The following CACNA2D3 variants were observed in gnomAD, a reference collection of about 807,000 sequenced individuals.
CACNA2D3 encodes calcium voltage-gated channel auxiliary subunit alpha2delta 3, also known as voltage-dependent calcium channel subunit alpha-2/delta-3.
Under a neutral mutation model 160.6 loss-of-function variants are expected in CACNA2D3, and 60 were observed. That is an observed-to-expected ratio of 0.37 (90% confidence interval 0.30 to 0.46). The LOEUF (loss-of-function observed/expected upper bound fraction) is 0.46, where lower values mean the gene tolerates loss of function less well. CACNA2D3 is among the 20% of genes least tolerant of loss of function. The pLI is 1.00. For synonymous variants in CACNA2D3, 558 were observed against 492.9 expected (o/e 1.13, Z -1.75); for missense variants, 1,205 against 1,365.0 (o/e 0.88, Z 1.85).
intron 11 of CACNA2D3, among the ~76,000 whole-genome samples, chr3:54,642,642 C>A (rs1559536686): frequency 6.6e-6 from 1 of 152,062 alleles, no homozygotes; most frequent in Admixed American, 6.5e-5. Context: ...TTGTATAGTT[C>A]CTCCCACGGC....
At chr3:54,279,687 G>A (rs946817342) in intron 2 of CACNA2D3, among the ~76,000 whole-genome samples, 1 of 152,174 alleles carries the variant, frequency 6.6e-6, no homozygotes, top group Non-Finnish European at 1.5e-5. Flanking sequence ...TGTCTGAGTA[G>A]AGCTCTGGCT....
chr3:54,206,322 C>A (rs75260377), intron 2 of CACNA2D3, among the ~76,000 whole-genome samples: 5,174 of 152,086 alleles, frequency 0.034, 266 homozygotes, highest in East Asian at 0.21. Flanking sequence ...TCTGTATGCT[C>A]GGGGATGAGG....
At chr3:54,136,569 C>T (rs1426248502) in intron 2 of CACNA2D3, among the ~76,000 whole-genome samples, 1 of 152,276 alleles carries the variant, frequency 6.6e-6, no homozygotes, top group African/African-American at 2.4e-5. Context: ...GCTGCTGCAT[C>T]CACCTTTCCC....
chr3:54,838,478 C>T, intron 15 of CACNA2D3, 90 bp from the exon 16 acceptor site: 1 of 1,017,068 alleles, frequency 9.8e-7, no homozygotes, highest in East Asian at 2.4e-5. Flanking sequence ...GGGAAGGCAC[C>T]AGGCAGACGG....
At chr3:54,223,581 G>A (rs1701613023) in intron 2 of CACNA2D3, among the ~76,000 whole-genome samples, 1 of 152,108 alleles carries the variant, frequency 6.6e-6, no homozygotes. Context: ...TTGGCCGGGT[G>A]CGGTAATCCT....
At chr3:54,547,731 C>A (rs1409846648) in intron 5 of CACNA2D3, among the ~76,000 whole-genome samples, 3 of 126,722 alleles carry the variant, frequency 2.4e-5, no homozygotes, top group Non-Finnish European at 4.7e-5. Flanking sequence ...TCTGCCCAGA[C>A]TGAAGTGTAG....
intron 11 of CACNA2D3, among the ~76,000 whole-genome samples, chr3:54,670,281 T>A (rs1700136183): frequency 6.6e-6 from 1 of 152,200 alleles, no homozygotes; most frequent in Admixed American, 6.5e-5. Flanking sequence ...CGGCACAAGC[T>A]GTTAATAAAT....
At position 54,406,258 on chromosome 3, in the gene CACNA2D3, G is replaced by A. The variant is rs191397178; in HGVS notation, c.381+19484G>A. On this transcript the variant is annotated intron_variant, in intron 4 of 37. Coordinates refer to ENST00000474759, the MANE Select transcript of CACNA2D3 (RefSeq NM_018398.3). ...ATACCTGCAGTCACATGTTAATTGCGCCATTTTCCACAATAGCCATGATAG... is the reference window on the plus strand; with the variant it reads ...ATACCTGCAGTCACATGTTAATTGCACCATTTTCCACAATAGCCATGATAG... Among the ~76,000 whole-genome samples the A allele has an allele frequency of 2.5e-3, 374 of 152,140 alleles. 2 individuals carry two copies. The highest frequency in any genetic ancestry group is 7.4e-3 in the African/African-American group (309 of 41,508).
chr3:54,315,299 G>A (rs565186228), intron 2 of CACNA2D3, among the ~76,000 whole-genome samples: 2 of 152,100 alleles, frequency 1.3e-5, no homozygotes, highest in African/African-American at 2.4e-5. Flanking sequence ...AGCTCACCCC[G>A]CAGAGGCCCT....
At chr3:54,681,949 C>T (rs1410803087) in intron 11 of CACNA2D3, among the ~76,000 whole-genome samples, 1 of 152,118 alleles carries the variant, frequency 6.6e-6, no homozygotes, top group Non-Finnish European at 1.5e-5. Context: ...TCTCAAAGTG[C>T]TGGGATTACA....
intron 10 of CACNA2D3, among the ~76,000 whole-genome samples, chr3:54,632,986 G>C (rs1289847388): frequency 1.3e-5 from 2 of 152,214 alleles, no homozygotes; most frequent in African/African-American, 4.8e-5. Context: ...GGCTGCGTCT[G>C]CTCATTAACT....
At chr3:54,813,866 T>C (rs1446649169) in intron 13 of CACNA2D3, among the ~76,000 whole-genome samples, 2 of 147,246 alleles carry the variant, frequency 1.4e-5, no homozygotes, top group Non-Finnish European at 3.0e-5. Flanking sequence ...TAATATTCTT[T>C]TTTTTTTTTT....
intron 31 of CACNA2D3, among the ~76,000 whole-genome samples, chr3:54,994,566 CCA>C (rs2107120701): frequency 6.6e-6 from 1 of 152,308 alleles, no homozygotes; most frequent in East Asian, 1.9e-4. Context: ...TTGAGCATCC[CCA>C]GTTACAGCAA....
At chr3:54,544,635 C>T (rs767729522) in intron 5 of CACNA2D3, among the ~76,000 whole-genome samples, 1 of 152,010 alleles carries the variant, frequency 6.6e-6, no homozygotes, top group Non-Finnish European at 1.5e-5. Flanking sequence ...TGGCCTCAAG[C>T]GATCCTCTCA....
chr3:54,860,936 A>G lies in CACNA2D3; in HGVS notation c.1627-10603A>G, dbSNP rs145411774. Among the ~76,000 whole-genome samples, 438 of 152,330 alleles carry G rather than the reference A, an allele frequency of 2.9e-3. 5 individuals are homozygous for G. Among genetic ancestry groups the G allele is most frequent in the African/African-American group, 0.01 (422 of 41,582 alleles). The stretch of plus-strand genomic sequence containing the variant: ...AAAACATCTAGAAAAGGCCAAAAAC[A>G]TAGGTCATTGTTATGCATGTGTTTA... On this transcript the variant is annotated intron_variant, in intron 17 of 37. Transcript: ENST00000474759.
chr3:54,921,053 G>A (rs1474377613), intron 27 of CACNA2D3, among the ~76,000 whole-genome samples: 5 of 152,114 alleles, frequency 3.3e-5, no homozygotes, highest in Admixed American at 6.5e-5. Flanking sequence ...CCATTTCATG[G>A]GCCATGACCC....
chr3:54,193,699 AC>A (rs1278386801), intron 2 of CACNA2D3, among the ~76,000 whole-genome samples: 1 of 151,652 alleles, frequency 6.6e-6, no homozygotes, highest in Non-Finnish European at 1.5e-5. Context: ...CTCAGGAGGG[AC>A]CCCCAGCCTG....
At chr3:55,009,543 C>T in intron 34 of CACNA2D3, 100 bp downstream of exon 34, 1 of 1,107,044 alleles carries the variant, frequency 9.0e-7, no homozygotes, top group Non-Finnish European at 1.4e-6. Flanking sequence ...GAAAATTCCC[C>T]AGGACAAAGT....
chr3:54,807,109 A>C (rs1156857821), intron 13 of CACNA2D3, among the ~76,000 whole-genome samples: 1 of 152,208 alleles, frequency 6.6e-6, no homozygotes, highest in African/African-American at 2.4e-5. Flanking sequence ...CCCTAGAAGA[A>C]AACCTGGGCA....
Sources: allele counts gnomAD v4.1 joint callset (sites outside exome capture counted in the v4.1 genomes callset), GRCh38; gene constraint gnomAD v4.1.1; transcripts MANE v1.5; gene names NCBI Gene and HGNC (gene_info 2026-07-23, HGNC 2026-07-21).